CUX1: variants seen among roughly 807,000 people sequenced by gnomAD.
CUX1 encodes cut like homeobox 1.
In CUX1, 31 loss-of-function variants were observed where a neutral mutation model predicts 158.8. The ratio of observed to expected loss-of-function variants is 0.20; its 90% CI spans 0.15 to 0.26. The LOEUF (loss-of-function observed/expected upper bound fraction) is 0.26. Among genes scored for constraint, CUX1 ranks in the 10% least tolerant of loss-of-function variants. The pLI, the probability that CUX1 is intolerant of heterozygous loss-of-function variation, is 1.00. For synonymous variants in CUX1, 879 were observed against 862.1 expected (o/e 1.02, Z -0.34); for missense variants, 1,589 against 2,014.6 (o/e 0.79, Z 4.04).
intron 10 of CUX1, among the ~76,000 whole-genome samples, chr7:102,175,790 C>T (rs1792254230): frequency 6.6e-6 from 1 of 152,240 alleles, no homozygotes; most frequent in African/African-American, 2.4e-5. Flanking sequence ...GCTTTCCAGA[C>T]TCCCTGTGAT....
At chr7:102,258,884 CTT>C (rs1264391476), downstream of CUX1, among the ~76,000 whole-genome samples, 1 of 152,132 alleles carries the variant, frequency 6.6e-6, no homozygotes, top group African/African-American at 2.4e-5. Flanking sequence ...AGAAGAGTCT[CTT>C]TCCAGATGGC....
intron 1 of CUX1, among the ~76,000 whole-genome samples, chr7:101,830,922 A>AT (rs559338913): frequency 2.6e-3 from 396 of 152,078 alleles, no homozygotes; most frequent in African/African-American, 9.2e-3. Flanking sequence ...GGGGTGATTC[A>AT]TTTTTTTCAT....
At chr7:102,281,804 C>T (rs1405318648) in intron 20 of CUX1, 6 of 1,421,074 alleles carry the variant, frequency 4.2e-6, no homozygotes, top group South Asian at 2.3e-5. Flanking sequence ...TGGGTGAGGC[C>T]GGCCCCATCC....
At chr7:101,879,554 C>T (rs1176758831) in intron 1 of CUX1, among the ~76,000 whole-genome samples, 15 of 152,220 alleles carry the variant, frequency 9.9e-5, no homozygotes, top group Admixed American at 9.8e-4. Flanking sequence ...TACCATTGCT[C>T]CAGTTGTCTT....
At chr7:101,941,666 C>T (rs1051267619) in intron 2 of CUX1, among the ~76,000 whole-genome samples, 1 of 152,180 alleles carries the variant, frequency 6.6e-6, no homozygotes, top group Non-Finnish European at 1.5e-5. Context: ...GTTTTCACGT[C>T]GGGGCATTCC....
At chr7:101,868,044 G>T (rs948948829) in intron 1 of CUX1, among the ~76,000 whole-genome samples, 1 of 151,992 alleles carries the variant, frequency 6.6e-6, no homozygotes, top group Non-Finnish European at 1.5e-5. Context: ...ATGAGGTCTC[G>T]CTATGTTACC....
chr7:102,079,846 A>G (rs1554477969), intron 4 of CUX1, among the ~76,000 whole-genome samples: 1 of 152,200 alleles, frequency 6.6e-6, no homozygotes, highest in Non-Finnish European at 1.5e-5. Context: ...TGTCCAGGAT[A>G]CAGGTCCCTG....
At chr7:102,009,554 A>C (rs1487529528) in intron 2 of CUX1, among the ~76,000 whole-genome samples, 1 of 152,182 alleles carries the variant, frequency 6.6e-6, no homozygotes, top group Non-Finnish European at 1.5e-5. Flanking sequence ...TGGCCTCCCA[A>C]AGTGTTGAGA....
intron 2 of CUX1, among the ~76,000 whole-genome samples, chr7:101,938,011 A>G (rs569113985): frequency 6.6e-6 from 1 of 152,308 alleles, no homozygotes; most frequent in African/African-American, 2.4e-5. Flanking sequence ...AGAAGGGTGA[A>G]TAATTGAATT....
chr7:102,151,580 A>G (rs1184746429), intron 8 of CUX1, among the ~76,000 whole-genome samples: 1 of 151,690 alleles, frequency 6.6e-6, no homozygotes, highest in Non-Finnish European at 1.5e-5. Context: ...AAATACAAAA[A>G]TTAGCTGTGA....
At chr7:102,127,166 A>C (rs370757545) in intron 8 of CUX1, among the ~76,000 whole-genome samples, 7 of 152,176 alleles carry the variant, frequency 4.6e-5, no homozygotes, top group African/African-American at 9.7e-5. Flanking sequence ...AGATGTGGCC[A>C]AGGGACTGGG....
At chr7:102,018,745 TGC>T (rs1818981052) in intron 2 of CUX1, among the ~76,000 whole-genome samples, 1 of 152,110 alleles carries the variant, frequency 6.6e-6, no homozygotes, top group African/African-American at 2.4e-5. Context: ...AGTGCGTGCG[TGC>T]GTGCGTGCGC....
At chr7:101,857,090 G>T (rs996398751) in intron 1 of CUX1, among the ~76,000 whole-genome samples, 3 of 152,142 alleles carry the variant, frequency 2.0e-5, no homozygotes, top group African/African-American at 4.8e-5. Flanking sequence ...GTCCTGCCCC[G>T]TACCACCCGC....
intron 4 of CUX1, among the ~76,000 whole-genome samples, chr7:102,077,543 A>AG (rs1826905674): frequency 1.3e-5 from 2 of 151,240 alleles, no homozygotes; most frequent in South Asian, 4.2e-4. Context: ...AAAAAAAAAA[A>AG]AAAAAAGATG....
intron 2 of CUX1, among the ~76,000 whole-genome samples, chr7:101,996,331 G>A (rs1445717818): frequency 2.0e-5 from 3 of 151,090 alleles, no homozygotes; most frequent in East Asian, 1.9e-4. Flanking sequence ...CCCAGAGTCC[G>A]ATCCCGTCTC....
At chr7:102,066,313 G>A (rs977190542) in intron 3 of CUX1, among the ~76,000 whole-genome samples, 7 of 152,226 alleles carry the variant, frequency 4.6e-5, no homozygotes, top group Admixed American at 3.9e-4. Flanking sequence ...CCAACTGGAC[G>A]AGGGCCCAGG....
intron 13 of CUX1, 135 bp from the exon 14 acceptor site, chr7:102,195,372 A>C (rs1043142377): frequency 2.0e-5 from 12 of 603,912 alleles, no homozygotes; most frequent in Non-Finnish European, 3.3e-5. Context: ...AGCTGTCCGC[A>C]GCCCACTTCC....
At chr7:101,996,229 T>TGA (rs1815862906) in intron 2 of CUX1, among the ~76,000 whole-genome samples, 1 of 152,166 alleles carries the variant, frequency 6.6e-6, no homozygotes, top group Non-Finnish European at 1.5e-5. Context: ...GGCATGCACA[T>TGA]GAGGATGGCA....
chr7:102,073,209 T>C (rs1826352460), intron 4 of CUX1, among the ~76,000 whole-genome samples: 1 of 129,140 alleles, frequency 7.7e-6, no homozygotes, highest in Admixed American at 9.1e-5. Flanking sequence ...AGTCGCACTC[T>C]GTCAAAGAGG....
Sources: allele counts gnomAD v4.1 joint callset (sites outside exome capture counted in the v4.1 genomes callset), GRCh38; gene constraint gnomAD v4.1.1; transcripts MANE v1.5; gene names NCBI Gene and HGNC (gene_info 2026-07-23, HGNC 2026-07-21).